The following CNTN1 variants were observed in gnomAD, a reference collection of about 807,000 sequenced individuals.
CNTN1 encodes the protein contactin 1.
Under a neutral mutation model 126.4 loss-of-function variants are expected in CNTN1, and 38 were observed. That is an observed-to-expected ratio of 0.30 (90% CI 0.23 to 0.39). The LOEUF (loss-of-function observed/expected upper bound fraction) is 0.39, where lower values mean the gene tolerates loss of function less well. CNTN1 is among the 10% of genes least tolerant of loss of function. The probability of loss-of-function intolerance (pLI) is 1.00; values close to 1 mark genes in which losing one functional copy is unlikely to be tolerated. For missense variants in CNTN1, 1,009 were observed against 1,248.4 expected (o/e 0.81, Z 2.89); for synonymous variants, 413 against 422.6 (o/e 0.98, Z 0.28).
intron 1 of CNTN1, among the ~76,000 whole-genome samples, chr12:40,869,626 A>G (rs1354532425): frequency 2.6e-5 from 4 of 152,122 alleles, no homozygotes; most frequent in African/African-American, 9.7e-5. Flanking sequence ...AATGAACTAT[A>G]GTTCATAGGA....
chr12:40,953,670 A>T (rs1946766218), intron 14 of CNTN1, among the ~76,000 whole-genome samples: 1 of 152,144 alleles, frequency 6.6e-6, no homozygotes, highest in Middle Eastern at 3.2e-3. Context: ...AAACTTTTAG[A>T]GTAGTTTAAA....
Position 41,070,099 on chromosome 12 carries a change from C to T in CNTN1, c.*64C>T. 1.4e-6 allele frequency: 2 copies of T among 1,404,386 alleles called. No individual in the cohort carries two copies. 87.0% of individuals were successfully genotyped at this position (1,404,386 alleles called of 1,614,324 possible). On this transcript the variant is annotated 3_prime_UTR_variant, in exon 24 of 24. Coordinates refer to ENST00000551295, the MANE Select transcript of CNTN1 (RefSeq NM_001843.4). ...AGACACCCTTCAACCCTGGGATGAC[C>T]ACAATTCCTTCCAATTTCTGCGGCT...
chr12:40,705,845 G>T (rs10784796), intron 1 of CNTN1, among the ~76,000 whole-genome samples: 92,832 of 151,948 alleles, frequency 0.61, 29,155 homozygotes, highest in East Asian at 0.84. Flanking sequence ...GAGGGAGCAG[G>T]TATCTCACAT....
chr12:40,800,460 G>T (rs896214437), intron 1 of CNTN1, among the ~76,000 whole-genome samples: 4 of 151,810 alleles, frequency 2.6e-5, no homozygotes, highest in African/African-American at 9.7e-5. Context: ...CAAGTTAGGA[G>T]GAAAAAGTGC....
chr12:41,044,995 A>G (rs754336879), intron 23 of CNTN1, among the ~76,000 whole-genome samples: 13 of 152,086 alleles, frequency 8.5e-5, no homozygotes, highest in Non-Finnish European at 1.9e-4. Context: ...GAAAATGGAT[A>G]ATCTTTTACA....
intron 20 of CNTN1, among the ~76,000 whole-genome samples, chr12:41,024,897 AT>A (rs544106214): frequency 6.6e-6 from 1 of 151,784 alleles, no homozygotes; most frequent in African/African-American, 2.4e-5. Flanking sequence ...TTTATTTTTT[AT>A]TTTTTTTAGT....
At chr12:40,704,008 T>A (rs1941670135) in intron 1 of CNTN1, among the ~76,000 whole-genome samples, 1 of 152,066 alleles carries the variant, frequency 6.6e-6, no homozygotes, top group African/African-American at 2.4e-5. Context: ...AATAAAGACC[T>A]GGAGGCAAAG....
At chr12:40,818,739 G>C (rs1460028440) in intron 1 of CNTN1, among the ~76,000 whole-genome samples, 1 of 152,144 alleles carries the variant, frequency 6.6e-6, no homozygotes, top group African/African-American at 2.4e-5. Flanking sequence ...TTATTTGGGG[G>C]AGAGGAGGCA....
chr12:40,915,508 A>G (rs1945196498), intron 3 of CNTN1, among the ~76,000 whole-genome samples: 1 of 152,078 alleles, frequency 6.6e-6, no homozygotes, highest in Non-Finnish European at 1.5e-5. Context: ...CCTCTTTGAG[A>G]TGAGTTCATA....
intron 23 of CNTN1, among the ~76,000 whole-genome samples, chr12:41,037,583 CAACGCAT>C (rs1949293831): frequency 6.6e-6 from 1 of 151,254 alleles, no homozygotes; most frequent in South Asian, 2.1e-4. Context: ...TGTCATTAAG[CAACGCAT>C]AACTATAAGC....
chr12:40,991,684 C>T (rs1056922291), intron 16 of CNTN1, among the ~76,000 whole-genome samples: 2 of 152,092 alleles, frequency 1.3e-5, no homozygotes, highest in African/African-American at 4.8e-5. Flanking sequence ...AAAAATTAGC[C>T]GGGCCTGGTG....
intron 23 of CNTN1, among the ~76,000 whole-genome samples, chr12:41,054,095 GT>G (rs1949750371): frequency 6.6e-6 from 1 of 151,724 alleles, no homozygotes; most frequent in Admixed American, 6.6e-5. Context: ...TCAAATTAAA[GT>G]GAAAATGAGT....
chr12:40,904,893 T>C (rs1214372670), intron 1 of CNTN1, among the ~76,000 whole-genome samples: 7 of 152,264 alleles, frequency 4.6e-5, no homozygotes, highest in Admixed American at 3.9e-4. Context: ...CCTGCCCTGG[T>C]TGGCTTACAG....
At chr12:40,711,386 T>G (rs1472826878) in intron 1 of CNTN1, among the ~76,000 whole-genome samples, 2 of 152,146 alleles carry the variant, frequency 1.3e-5, no homozygotes, top group African/African-American at 4.8e-5. Flanking sequence ...GTAAAGCCAA[T>G]TTTGGTCAAG....
At chr12:40,891,224 T>C (rs1427654928) in intron 1 of CNTN1, among the ~76,000 whole-genome samples, 1 of 152,200 alleles carries the variant, frequency 6.6e-6, no homozygotes, top group Non-Finnish European at 1.5e-5. Context: ...TTTGTATTCC[T>C]ATTTTTAAGT....
intron 23 of CNTN1, among the ~76,000 whole-genome samples, chr12:41,038,601 A>T (rs1162733798): frequency 6.6e-6 from 1 of 152,184 alleles, no homozygotes; most frequent in Non-Finnish European, 1.5e-5. Context: ...GAACTTCGAT[A>T]TATGAACTTG....
chr12:41,041,868 T>G (rs1273444677), intron 23 of CNTN1, among the ~76,000 whole-genome samples: 2 of 152,268 alleles, frequency 1.3e-5, no homozygotes, highest in East Asian at 3.9e-4. Flanking sequence ...AAAAACTAGC[T>G]CCTGGGGGCT....
chr12:40,986,078 A>C (rs1947948244), intron 16 of CNTN1, among the ~76,000 whole-genome samples: 1 of 152,194 alleles, frequency 6.6e-6, no homozygotes, highest in Non-Finnish European at 1.5e-5. Flanking sequence ...TTGTTCACAT[A>C]ATATTCCATG....
At chr12:41,064,859 T>A (rs1028795609) in intron 23 of CNTN1, among the ~76,000 whole-genome samples, 1 of 152,260 alleles carries the variant, frequency 6.6e-6, no homozygotes, top group Non-Finnish European at 1.5e-5. Context: ...GTTTAATTTT[T>A]TTTTAATTTT....
Sources: gnomAD v4.1 joint callset for allele counts (sites outside exome capture counted in the v4.1 genomes callset) on GRCh38, gnomAD v4.1.1 for gene constraint, MANE v1.5 for transcripts, NCBI Gene and HGNC (gene_info 2026-07-23, HGNC 2026-07-21) for gene names.